Variants in ELAVL2 observed in about 807,000 individuals in gnomAD.
ELAVL2 encodes the protein ELAV like RNA binding protein 2.
In ELAVL2, 4 loss-of-function variants were observed where a neutral mutation model predicts 34.6. That is an observed-to-expected ratio of 0.12 (90% CI 0.06 to 0.26). The LOEUF (loss-of-function observed/expected upper bound fraction) is 0.26. Among genes scored for constraint, ELAVL2 ranks in the 10% least tolerant of loss-of-function variants. The probability of loss-of-function intolerance (pLI) is 1.00; values close to 1 mark genes in which losing one functional copy is unlikely to be tolerated. For missense variants in ELAVL2, 432 were observed against 442.8 expected (o/e 0.98, Z 0.22); for synonymous variants, 193 against 154.8 (o/e 1.25, Z -1.83).
At position 23,768,095 on chromosome 9, in the gene ELAVL2, C is replaced by A. The variant is rs74966514; in HGVS notation, c.-15-5846G>T. Among the ~76,000 whole-genome samples, 557 of 152,312 alleles carry A rather than the reference C, an allele frequency of 3.7e-3. 16 individuals are homozygous for A. The East Asian group carries it at 0.065, about 18-fold the overall frequency. Reference sequence around the variant, plus strand: ...TCCTAATCTACCTTAACAATGTTCCCAGGTAGACTTTCTAAACCCTCCCAC... The same window carrying A: ...TCCTAATCTACCTTAACAATGTTCCAAGGTAGACTTTCTAAACCCTCCCAC... On this transcript the variant is annotated intron_variant, in intron 1 of 6. Transcript: ENST00000397312.
chr9:23,800,185 A>G (rs2061415497), intron 1 of ELAVL2, among the ~76,000 whole-genome samples: 1 of 152,214 alleles, frequency 6.6e-6, no homozygotes, highest in African/African-American at 2.4e-5. Flanking sequence ...TCAACCTTTC[A>G]TTATTCCCAT....
At chr9:23,754,435 T>C (rs1340565074) in intron 2 of ELAVL2, among the ~76,000 whole-genome samples, 1 of 152,062 alleles carries the variant, frequency 6.6e-6, no homozygotes, top group Non-Finnish European at 1.5e-5. Context: ...ATATTCCACT[T>C]TGGCATTAAG....
intron 1 of ELAVL2, chr9:23,764,932 T>C: frequency 7.4e-7 from 1 of 1,343,762 alleles, no homozygotes; most frequent in Non-Finnish European, 1.0e-6. Context: ...AAGATTCAAG[T>C]GTTTGGTATG....
chr9:23,730,523 A>G (rs1452967760), intron 3 of ELAVL2, among the ~76,000 whole-genome samples: 1 of 152,150 alleles, frequency 6.6e-6, no homozygotes, highest in Non-Finnish European at 1.5e-5. Flanking sequence ...TGTAATACAT[A>G]AACATCTTAT....
At chr9:23,782,617 C>A (rs2059211870) in intron 1 of ELAVL2, among the ~76,000 whole-genome samples, 1 of 151,900 alleles carries the variant, frequency 6.6e-6, no homozygotes, top group African/African-American at 2.4e-5. Context: ...AAACAAAAAA[C>A]CATGCAAGAG....
At chr9:23,818,059 C>G (rs1203238375) in intron 1 of ELAVL2, among the ~76,000 whole-genome samples, 1 of 152,078 alleles carries the variant, frequency 6.6e-6, no homozygotes, top group Non-Finnish European at 1.5e-5. Context: ...TTAGAACATA[C>G]AAAAGTGTGG....
intron 5 of ELAVL2, among the ~76,000 whole-genome samples, chr9:23,701,049 A>G (rs1240597771): frequency 6.6e-6 from 1 of 152,140 alleles, no homozygotes; most frequent in Non-Finnish European, 1.5e-5. Flanking sequence ...CCCGACCTCT[A>G]GCATTACATG....
At chr9:23,785,049 T>C (rs1342225358) in intron 1 of ELAVL2, among the ~76,000 whole-genome samples, 4 of 152,182 alleles carry the variant, frequency 2.6e-5, no homozygotes, top group South Asian at 4.1e-4. Context: ...ACAGTGATAA[T>C]AGATAATGTG....
chr9:23,844,812 G>A, the ELAVL2 span, among the ~76,000 whole-genome samples: 1 of 152,076 alleles, frequency 6.6e-6, no homozygotes, highest in South Asian at 2.1e-4. Flanking sequence ...ATAATGCTCT[G>A]AGAGGCTTTG....
chr9:23,727,683 C>G (rs139952378), intron 3 of ELAVL2, among the ~76,000 whole-genome samples: 153 of 152,172 alleles, frequency 1.0e-3, no homozygotes, highest in African/African-American at 3.6e-3. Flanking sequence ...GTATTTCTAA[C>G]TCACTTCCCT....
At chr9:23,844,533 C>G in the ELAVL2 span, among the ~76,000 whole-genome samples, 1 of 151,910 alleles carries the variant, frequency 6.6e-6, no homozygotes, top group African/African-American at 2.4e-5. Flanking sequence ...CTCTAATTAT[C>G]TTTAACAAAG....
rs1205728282 is a variant in ELAVL2 at position 23,826,212 on chromosome 9, A to T, written c.-422T>A. ...GGAGTAAGCTGCTGCATCTCTAACT[A>T]AGAACAGAAATAGGGGGGAGGACGT... On this transcript the variant is annotated 5_prime_UTR_variant, in exon 1 of 7. Coordinates refer to ENST00000397312, the MANE Select transcript of ELAVL2 (RefSeq NM_004432.5). 1 of 152,210 alleles carries T rather than the reference A, an allele frequency of 6.6e-6. No homozygotes were observed. Among genetic ancestry groups the T allele is most frequent in the Non-Finnish European group, 1.5e-5 (1 of 68,048 alleles). The allele number at this position is 152,210 out of a possible 1,614,324, so 9.4% of individuals were successfully genotyped here.
At chr9:23,754,018 G>C (rs1485275309) in intron 2 of ELAVL2, among the ~76,000 whole-genome samples, 1 of 152,078 alleles carries the variant, frequency 6.6e-6, no homozygotes, top group Non-Finnish European at 1.5e-5. Flanking sequence ...ATAAGGGCTA[G>C]GAAAGCACAA....
In ELAVL2 at chr9:23,814,161, C is replaced by T. The variant is rs139511069; in HGVS notation, c.-16+11645G>A. On this transcript the variant is annotated intron_variant, in intron 1 of 6. Transcript: ENST00000397312. ...ACACCTATAGGCCATATGAAGCTCA[C>T]GGATCACCCTTCAGGACCTGTGGCA... Among the ~76,000 whole-genome samples the T allele has an allele frequency of 1.4e-4, 21 of 152,292 alleles. No individual in the cohort carries two copies. The East Asian group carries it at 3.1e-3, about 22-fold the overall frequency.
Position 23,762,127 on chromosome 9 carries a change from G to C in ELAVL2, c.108C>G (p.Asp36Glu). Residue 36 changes from aspartate to glutamate, a missense_variant, in exon 2 of 7, where the codon GAC becomes GAG. Physicochemically the swap from Asp to Glu is conservative, Grantham distance 45. Transcript: ENST00000397312. ...AGTTGACTATTAAGTTGGTCTTGCT[G>C]TCTTCTGTGTTCCCAGAGTCAACTG... Reference protein sequence around the residue: ...SSPVDSGNTEDSKTNLIVNYL... With the variant: ...SSPVDSGNTEESKTNLIVNYL... 6.2e-7 allele frequency: 1 copy of C among 1,613,574 alleles called. No individual in the cohort carries two copies. The highest frequency in any genetic ancestry group is 8.5e-7 in the Non-Finnish European group (1 of 1,179,628).
intron 3 of ELAVL2, among the ~76,000 whole-genome samples, chr9:23,727,598 G>A (rs893603658): frequency 6.6e-6 from 1 of 152,018 alleles, no homozygotes; most frequent in African/African-American, 2.4e-5. Context: ...TACCTGGGAA[G>A]CATAATAAAA....
At chr9:23,802,703 G>A (rs1471210669) in intron 1 of ELAVL2, among the ~76,000 whole-genome samples, 1 of 152,118 alleles carries the variant, frequency 6.6e-6, no homozygotes, top group Non-Finnish European at 1.5e-5. Context: ...TCTCATAAAT[G>A]TACAGTAGAG....
chr9:23,723,506 T>C (rs2044279718), intron 3 of ELAVL2, among the ~76,000 whole-genome samples: 1 of 151,874 alleles, frequency 6.6e-6, no homozygotes, highest in South Asian at 2.1e-4. Context: ...ATGGCACATG[T>C]ATACATATGT....
intron 2 of ELAVL2, among the ~76,000 whole-genome samples, chr9:23,759,838 G>A (rs1305976388): frequency 7.1e-6 from 1 of 140,114 alleles, no homozygotes; most frequent in African/African-American, 2.7e-5. Flanking sequence ...CAATACTCAT[G>A]ACCATTGTGG....
Sources: allele counts gnomAD v4.1 joint callset (sites outside exome capture counted in the v4.1 genomes callset), GRCh38; gene constraint gnomAD v4.1.1; transcripts MANE v1.5; gene names NCBI Gene and HGNC (gene_info 2026-07-23, HGNC 2026-07-21).